PAX6: variants seen among roughly 807,000 people sequenced by gnomAD.
PAX6 encodes paired box 6, also known as paired box protein Pax-6.
Under a neutral mutation model 60.7 loss-of-function variants are expected in PAX6, and 7 were observed. The ratio of observed to expected loss-of-function variants is 0.12; its 90% CI spans 0.07 to 0.22. The LOEUF (loss-of-function observed/expected upper bound fraction) is 0.22, where lower values mean the gene tolerates loss of function less well. Among genes scored for constraint, PAX6 ranks in the 10% least tolerant of loss-of-function variants. The pLI is 1.00. For synonymous variants in PAX6, 208 were observed against 201.2 expected (o/e 1.03, Z -0.29); for missense variants, 355 against 555.2 (o/e 0.64, Z 3.62).
rs1948994678 is a variant in PAX6 at position 31,789,085 on chromosome 11, A to G, written c.*849T>C. The G allele has an allele frequency of 4.9e-6, 1 of 203,020 alleles. No homozygotes were observed. Among genetic ancestry groups the G allele is most frequent in the African/African-American group, 2.3e-5 (1 of 43,836 alleles). The allele number at this position is 203,020 out of a possible 1,614,324, so 12.6% of individuals were successfully genotyped here. ...GAATGAACTCTAGATGCACAAAATG[A>G]TTGGACCGTGAACAGTAATACAACT... is the stretch of plus-strand genomic sequence containing the variant. On this transcript the variant is annotated 3_prime_UTR_variant, in exon 14 of 14. Coordinates refer to ENST00000640368, the MANE Select transcript of PAX6 (RefSeq NM_001368894.2).
Position 31,802,386 on chromosome 11 carries a change from G to A in PAX6, c.141+318C>T, listed in dbSNP as rs3026373. On this transcript the variant is annotated intron_variant, in intron 5 of 13. Coordinates refer to ENST00000640368, the MANE Select transcript of PAX6 (RefSeq NM_001368894.2). ...CGGTTTATATAACTCAGCTTATTAC[G>A]GTTCATAAACTGTTCCCACAATGAA... 0.018 allele frequency: 6,358 copies of A among 358,654 alleles called. 375 individuals are homozygous for A. Among genetic ancestry groups the A allele is most frequent in the African/African-American group, 0.12 (5,848 of 47,726 alleles). The allele number at this position is 358,654 out of a possible 1,614,324, so 22.2% of individuals were successfully genotyped here.
In PAX6 at chr11:31,789,808, T is replaced by C. The variant is rs747184562; in HGVS notation, c.*126A>G. Reference sequence around the variant, plus strand: ...CCCAGTGGTACAATACAGGACACAATTGTAGAACTGAAGCGGCTCTAACAG... The same window carrying C: ...CCCAGTGGTACAATACAGGACACAACTGTAGAACTGAAGCGGCTCTAACAG... On this transcript the variant is annotated 3_prime_UTR_variant, in exon 14 of 14. Coordinates refer to ENST00000640368, the MANE Select transcript of PAX6 (RefSeq NM_001368894.2). The C allele has an allele frequency of 3.1e-5, 26 of 847,324 alleles. No individual in the cohort carries two copies. Among genetic ancestry groups the C allele is most frequent in the South Asian group, 1.1e-4 (8 of 70,080 alleles). The allele number at this position is 847,324 out of a possible 1,614,324, so 52.5% of individuals were successfully genotyped here. A position where few individuals can be genotyped will look rare whatever the true frequency, so the allele number is the denominator to read the frequency against.
At chr11:31,801,047 T>C (rs1953666822) in intron 7 of PAX6, 191 bp from the exon 8 acceptor site, 3 of 769,550 alleles carry the variant, frequency 3.9e-6, no homozygotes, top group East Asian at 2.7e-5. Flanking sequence ...CATGGAAATT[T>C]AGTTGGATAG....
chr11:31,797,196 C>T (rs1026774019), intron 8 of PAX6, among the ~76,000 whole-genome samples: 4 of 152,096 alleles, frequency 2.6e-5, no homozygotes, highest in African/African-American at 9.7e-5. Context: ...GCCACTCATG[C>T]CCATGCCTTC....
intron 2 of PAX6, chr11:31,810,616 C>G (rs938875325): frequency 3.0e-5 from 11 of 360,738 alleles, no homozygotes; most frequent in African/African-American, 1.5e-4. Flanking sequence ...AGCCCTGCGC[C>G]GCTCCCGCTC....
At chr11:31,799,961 C>A (rs1267715963) in intron 8 of PAX6, among the ~76,000 whole-genome samples, 5 of 149,704 alleles carry the variant, frequency 3.3e-5, no homozygotes. Context: ...CCCCACCCCC[C>A]CCATCCCCCG....
At chr11:31,794,880 TA>T in intron 8 of PAX6, 92 bp from the exon 9 acceptor site, 2 of 1,200,930 alleles carry the variant, frequency 1.7e-6, no homozygotes, top group Non-Finnish European at 2.5e-6. Context: ...CCAAGAGCAT[TA>T]TATCCCGACA....
chr11:31,799,689 G>A (rs1340694520), intron 8 of PAX6, among the ~76,000 whole-genome samples: 1 of 152,082 alleles, frequency 6.6e-6, no homozygotes, highest in Non-Finnish European at 1.5e-5. Context: ...TGGAGGCGCC[G>A]GGCATCCGGA....
At position 31,802,931 on chromosome 11, in the gene PAX6, A is replaced by T. The variant is rs890838352; in HGVS notation, c.11-97T>A. 9 of 1,215,648 alleles carry T rather than the reference A, an allele frequency of 7.4e-6. No individual in the cohort carries two copies. The African/African-American group carries it at 1.3e-4, about 18-fold the overall frequency. The allele number at this position is 1,215,648 out of a possible 1,614,324, so 75.3% of individuals were successfully genotyped here. ...AAGAAGGAAGAGGAAGATGAGGGAG[A>T]ACAAGAACAGAAAGGAGAGGAGGAA... On this transcript the variant is annotated intron_variant, in intron 4 of 13. Coordinates refer to ENST00000640368, the MANE Select transcript of PAX6 (RefSeq NM_001368894.2).
chr11:31,790,819 C>T lies in PAX6; in HGVS notation c.1116G>A (p.Leu372=). 3.1e-6 allele frequency: 5 copies of T among 1,614,092 alleles called. No individual in the cohort carries two copies. Among genetic ancestry groups the T allele is most frequent in the Non-Finnish European group, 4.2e-6 (5 of 1,180,028 alleles). Residue 372 remains leucine, a synonymous_variant, in exon 13 of 14, where the codon CTG becomes CTA. Transcript: ENST00000640368. The stretch of plus-strand genomic sequence containing the variant: ...GCCCATTCACCGAAGGGCTGGTGGG[C>T]AGCATGCAGGAGTATGAGGAGGTCT... The part of the protein sequence containing the change: ...PSQTSSYSCM[L]PTSPSVNGRS...
intron 13 of PAX6, 34 bp downstream of exon 13, chr11:31,790,676 G>C: frequency 6.2e-7 from 1 of 1,613,428 alleles, no homozygotes. Flanking sequence ...AAGAGAGATC[G>C]CCTCTGTGCA....
At chr11:31,807,834 G>A (rs1372641659) in intron 2 of PAX6, 4 of 152,014 alleles carry the variant, frequency 2.6e-5, no homozygotes, top group Non-Finnish European at 4.4e-5. Flanking sequence ...GACGCTTCTA[G>A]CTTCATAAGC....
chr11:31,798,019 T>C (rs1032682297), intron 8 of PAX6, among the ~76,000 whole-genome samples: 11 of 145,948 alleles, frequency 7.5e-5, no homozygotes, highest in African/African-American at 2.8e-4. Context: ...AGAGAGAGAG[T>C]TGCTGGGAAA....
chr11:31,795,310 C>G (rs1052214680), intron 8 of PAX6, among the ~76,000 whole-genome samples: 2 of 152,132 alleles, frequency 1.3e-5, no homozygotes, highest in Non-Finnish European at 2.9e-5. Flanking sequence ...GAATTCTGCA[C>G]AGTCAATTTC....
At chr11:31,804,781 C>T (rs1955254484) in intron 4 of PAX6, 1 of 152,276 alleles carries the variant, frequency 6.6e-6, no homozygotes, top group Non-Finnish European at 1.5e-5. Context: ...CTGCTAATGC[C>T]AAGGCGGGCG....
Position 31,789,038 on chromosome 11 carries a change from G to C in PAX6, c.*896C>G, listed in dbSNP as rs559569624. On this transcript the variant is annotated 3_prime_UTR_variant, in exon 14 of 14. Transcript: ENST00000640368. ...CAAAACACTTAAGTTTAAAACTCTT[G>C]CAAGCACTTTTAATTGATTAGGAAT... is the stretch of plus-strand genomic sequence containing the variant. 7 of 201,334 alleles carry C rather than the reference G, an allele frequency of 3.5e-5. No homozygotes were observed. The highest frequency in any genetic ancestry group is 1.6e-4 in the African/African-American group (7 of 43,764). 12.5% of individuals were successfully genotyped at this position (201,334 alleles called of 1,614,324 possible). A position where few individuals can be genotyped will look rare whatever the true frequency, so the allele number is the denominator to read the frequency against.
rs373529841 is a variant in PAX6 at position 31,810,820 on chromosome 11, G to A, written c.-129+8C>T. On this transcript the variant is annotated splice_region_variant and intron_variant, in intron 2 of 13. Transcript: ENST00000640368. The stretch of plus-strand genomic sequence containing the variant: ...AAAAATAAAGCGAGAAGAAAGAAGC[G>A]GACTCACCTTTATGAGGCATCCTTT... 3 of 398,918 alleles carry A rather than the reference G, an allele frequency of 7.5e-6. No individual in the cohort carries two copies. The highest frequency in any genetic ancestry group is 6.2e-5 in the African/African-American group (3 of 48,608). 24.7% of individuals were successfully genotyped at this position (398,918 alleles called of 1,614,324 possible).
At chr11:31,798,915 C>A (rs1483709513) in intron 8 of PAX6, among the ~76,000 whole-genome samples, 1 of 152,222 alleles carries the variant, frequency 6.6e-6, no homozygotes, top group Non-Finnish European at 1.5e-5. Flanking sequence ...GTATCCTGCG[C>A]CCCAAGCTCA....
chr11:31,799,651 C>T (rs573201599), intron 8 of PAX6, among the ~76,000 whole-genome samples: 2 of 152,120 alleles, frequency 1.3e-5, no homozygotes, highest in Non-Finnish European at 1.5e-5. Context: ...ATACTGTTAC[C>T]GATTTTCCCT....
Sources: allele counts gnomAD v4.1 joint callset (sites outside exome capture counted in the v4.1 genomes callset), GRCh38; gene constraint gnomAD v4.1.1; transcripts MANE v1.5; gene names NCBI Gene and HGNC (gene_info 2026-07-23, HGNC 2026-07-21).